The following MROH7 variants were observed in gnomAD, a reference collection of about 807,000 sequenced individuals.
MROH7 encodes maestro heat like repeat family member 7.
MROH7 carries 113 observed loss-of-function variants against 129.2 expected under a neutral mutation model. That is an observed-to-expected ratio of 0.87 (90% CI 0.75 to 1.02). The LOEUF (loss-of-function observed/expected upper bound fraction) is 1.02. Ranked by LOEUF, MROH7 falls within the 50% of genes least tolerant of loss-of-function variation. The probability of loss-of-function intolerance (pLI) is 0.00; values close to 1 mark genes in which losing one functional copy is unlikely to be tolerated. For missense variants in MROH7, 1,601 were observed against 1,671.3 expected, an observed-to-expected ratio of 0.96 and a Z score of 0.73; for synonymous variants, 655 against 667.9, an observed-to-expected ratio of 0.98 and a Z score of 0.30.
chr1:54,707,425 C>T (rs1020598700), intron 22 of MROH7, among the ~76,000 whole-genome samples: 1 of 152,160 alleles, frequency 6.6e-6, no homozygotes. Flanking sequence ...ACGTTGATTC[C>T]GTACTCTGTG....
At position 54,654,032 on chromosome 1, in the gene MROH7, C is replaced by T; in HGVS notation, c.1106C>T (p.Pro369Leu). The T allele has an allele frequency of 6.2e-7, 1 of 1,614,212 alleles. No homozygotes were observed. The highest frequency in any genetic ancestry group is 8.5e-7 in the Non-Finnish European group (1 of 1,180,034). ...AAGGACAACAGCATCCACACTGTGC[C>T]CCTGGAGGAGAATCTGGAGAGTTGG... Reference protein sequence around the residue: ...DAKDNSIHTVPLEENLESWSE... With the variant: ...DAKDNSIHTVLLEENLESWSE... Residue 369 changes from proline to leucine, a missense_variant, in exon 3 of 24, where the codon CCC (proline) becomes CTC (leucine). Physicochemically the swap from Pro to Leu is moderately conservative, Grantham distance 98. Transcript: ENST00000421030.
At chr1:54,704,549 C>T (rs888698162) in intron 21 of MROH7, among the ~76,000 whole-genome samples, 2 of 150,668 alleles carry the variant, frequency 1.3e-5, no homozygotes, top group Non-Finnish European at 2.9e-5. Flanking sequence ...AGAGATTCTC[C>T]TGCATCGGCC....
chr1:54,646,376 AGT>A (rs1212632817), intron 1 of MROH7, among the ~76,000 whole-genome samples: 2 of 151,888 alleles, frequency 1.3e-5, no homozygotes, highest in Non-Finnish European at 2.9e-5. Context: ...TCTACTTTTG[AGT>A]GTGTGTTTAT....
At chr1:54,705,391 C>T (rs1645516614) in intron 21 of MROH7, among the ~76,000 whole-genome samples, 1 of 152,142 alleles carries the variant, frequency 6.6e-6, no homozygotes, top group Non-Finnish European at 1.5e-5. Context: ...TGAAATGGCC[C>T]CTTCTCTTGG....
At chr1:54,647,741 G>GAA (rs34697494) in intron 1 of MROH7, among the ~76,000 whole-genome samples, 154 of 141,232 alleles carry the variant, frequency 1.1e-3, no homozygotes, top group Admixed American at 1.6e-3. Context: ...ACTCTGTATT[G>GAA]AAAAAAAAAA....
At chr1:54,662,563 T>C (rs190551917) in intron 3 of MROH7, among the ~76,000 whole-genome samples, 14 of 150,214 alleles carry the variant, frequency 9.3e-5, no homozygotes, top group Middle Eastern at 3.4e-3. Context: ...GTTGAAAACG[T>C]ACTATAAATT....
chr1:54,658,133 TCTA>T (rs937527259), intron 3 of MROH7, among the ~76,000 whole-genome samples: 13 of 152,280 alleles, frequency 8.5e-5, no homozygotes, highest in Admixed American at 5.9e-4. Context: ...CCACCACCAT[TCTA>T]CTGTTTCTAT....
At chr1:54,700,011 G>A in intron 17 of MROH7, 1 of 633,530 alleles carries the variant, frequency 1.6e-6, no homozygotes, top group Non-Finnish European at 2.9e-6. Context: ...TTGGTTGGAA[G>A]CTGGCTGGCT....
rs777867125 is a variant in MROH7, at chr1:54,686,263, C to T, written c.2526C>T (p.Ala842=). ...GRASIVPLAA[A]SGLCELLSVN... ...GCCTCCCCTCTGCCCCATAGGCAGC[C>T]AGCGGCCTGTGCGAGCTCCTGTCCG... is the stretch of plus-strand genomic sequence containing the variant. The change falls in exon 15 of 24, where the codon GCC becomes GCT. Residue 842 remains alanine, a synonymous_variant. Transcript: ENST00000421030. 6.2e-7 allele frequency: 1 copy of T among 1,612,566 alleles called. No homozygotes were observed. The highest frequency in any genetic ancestry group is 8.5e-7 in the Non-Finnish European group (1 of 1,179,252).
chr1:54,699,936 G>A (rs1484185807), intron 17 of MROH7: 2 of 592,784 alleles, frequency 3.4e-6, no homozygotes, highest in African/African-American at 1.9e-5. Context: ...CATCCCAGGA[G>A]AAGGGCATTT....
At chr1:54,707,020 G>A (rs1383395755) in intron 22 of MROH7, among the ~76,000 whole-genome samples, 1 of 152,196 alleles carries the variant, frequency 6.6e-6, no homozygotes, top group Non-Finnish European at 1.5e-5. Flanking sequence ...TTCACAGACT[G>A]AATGAGAATA....
intron 17 of MROH7, chr1:54,699,960 G>A: frequency 1.7e-6 from 1 of 605,438 alleles, no homozygotes; most frequent in Non-Finnish European, 3.0e-6. Flanking sequence ...CAGCACAGAA[G>A]GGGTGGAACA....
chr1:54,710,212 C>T lies in MROH7; in HGVS notation c.*25C>T. The T allele has an allele frequency of 1.2e-6, 2 of 1,603,626 alleles. No individual in the cohort carries two copies. The highest frequency in any genetic ancestry group is 1.1e-5 in the South Asian group (1 of 90,960). On this transcript the variant is annotated 3_prime_UTR_variant, in exon 24 of 24. Coordinates refer to ENST00000421030, the MANE Select transcript of MROH7 (RefSeq NM_001039464.4). Reference sequence around the variant, plus strand: ...ACGTCCCTGAGCCCCAAACCCTCCTCAGGGTGGTTGAGTTCCAGCCATGCT... The same window carrying T: ...ACGTCCCTGAGCCCCAAACCCTCCTTAGGGTGGTTGAGTTCCAGCCATGCT...
At chr1:54,644,444 G>A (rs1286575606) in intron 1 of MROH7, among the ~76,000 whole-genome samples, 1 of 151,930 alleles carries the variant, frequency 6.6e-6, no homozygotes, top group East Asian at 1.9e-4. Context: ...CTGGGTTCAA[G>A]CAATTCTCTG....
chr1:54,666,425 ATTTTTTTTTTTTTTT>A (rs71048704), intron 4 of MROH7, among the ~76,000 whole-genome samples: 1 of 69,220 alleles, frequency 1.4e-5, no homozygotes, highest in South Asian at 6.5e-4. Flanking sequence ...GAGAAGAGGA[ATTTTTTTTTTTTTTT>A]TTTTTTTTTT....
At position 54,695,489 on chromosome 1, in the gene MROH7, AG is replaced by A. The variant is rs751635501; in HGVS notation, c.2964+1del. 7 of 1,610,342 alleles carry A rather than the reference AG, an allele frequency of 4.3e-6. No individual in the cohort carries two copies. In the African/African-American group the frequency reaches 9.4e-5, roughly 22 times the overall value. On this transcript the variant is annotated frameshift_variant and splice_region_variant, in exon 17 of 24. Coordinates refer to ENST00000421030, the MANE Select transcript of MROH7 (RefSeq NM_001039464.4). LOFTEE classifies it high-confidence loss of function. Reference sequence around the variant, plus strand: ...ATCACGGCCACCGCCTTCTTCGTGGAGGTACCAACGGGGGCAGCGGGTACAC... The same window carrying A: ...ATCACGGCCACCGCCTTCTTCGTGGAGTACCAACGGGGGCAGCGGGTACAC... ...HRITATAFFV[E>X]LLQMEQVRRI...
At chr1:54,708,138 G>C (rs1006833291) in intron 22 of MROH7, among the ~76,000 whole-genome samples, 4 of 152,108 alleles carry the variant, frequency 2.6e-5, no homozygotes, top group Non-Finnish European at 1.5e-5. Context: ...GAAGTGAGGC[G>C]CCAGGCAGGG....
At chr1:54,664,744 G>A (rs544499689) in intron 3 of MROH7, among the ~76,000 whole-genome samples, 7 of 152,312 alleles carry the variant, frequency 4.6e-5, no homozygotes, top group East Asian at 1.9e-4. Context: ...TGGGTGCAGT[G>A]GCTCACACTT....
At chr1:54,651,464 A>T (rs1644553951) in intron 1 of MROH7, 1 of 152,536 alleles carries the variant, frequency 6.6e-6, no homozygotes, top group African/African-American at 2.4e-5. Flanking sequence ...GTGGAGATGG[A>T]TGCCCAGCCT....
Sources: gnomAD v4.1 joint callset for allele counts (sites outside exome capture counted in the v4.1 genomes callset) on GRCh38, gnomAD v4.1.1 for gene constraint, MANE v1.5 for transcripts, NCBI Gene and HGNC (gene_info 2026-07-23, HGNC 2026-07-21) for gene names.